The following HERC2 variants were observed in gnomAD, a reference collection of about 807,000 sequenced individuals.
HERC2 encodes the protein HECT and RLD domain containing E3 ubiquitin protein ligase 2.
HERC2 carries 102 observed loss-of-function variants against 537.7 expected under a neutral mutation model. The observed-to-expected ratio is 0.19, with a 90% CI of 0.16 to 0.22. HERC2 has a LOEUF of 0.22. Ranked by LOEUF, HERC2 falls within the 10% of genes least tolerant of loss-of-function variation. The pLI is 1.00. For missense variants in HERC2, 4,236 were observed against 6,198.2 expected, an observed-to-expected ratio of 0.68 and a Z score of 10.63; for synonymous variants, 2,224 against 2,466.2, an observed-to-expected ratio of 0.90 and a Z score of 2.91.
chr15:28,142,620 C>A (rs887090678), intron 75 of HERC2, among the ~76,000 whole-genome samples: 2 of 152,126 alleles, frequency 1.3e-5, no homozygotes, highest in Non-Finnish European at 2.9e-5. Context: ...AACACCTGTG[C>A]ATCTCAAGGC....
At chr15:28,183,107 C>T (rs1477468931) in intron 56 of HERC2, among the ~76,000 whole-genome samples, 1 of 152,218 alleles carries the variant, frequency 6.6e-6, no homozygotes, top group Admixed American at 6.5e-5. Context: ...GATCATCGGC[C>T]AGCTAAGCTG....
chr15:28,229,580 A>C lies in HERC2; in HGVS notation c.5000T>G (p.Val1667Gly). The C allele has an allele frequency of 3.7e-6, 6 of 1,612,508 alleles. No individual in the cohort carries two copies. Among genetic ancestry groups the C allele is most frequent in the Non-Finnish European group, 4.2e-6 (5 of 1,179,714 alleles). ...AATTGTATCTATCCCTTCCAGGCGA[A>C]CCTCTGCTCTCTCCAACTGCAAAAT... is the stretch of plus-strand genomic sequence containing the variant. ...CLLKQLERAE[V>G]RLEGIDTILK... is the part of the protein sequence containing the mutation. The change falls in exon 33 of 93, where the codon GTT becomes GGT. Residue 1667 changes from valine to glycine, a missense_variant. Physicochemically the swap from Val to Gly is moderately radical, Grantham distance 109 (BLOSUM62 -3). Around this residue, in one of 27 missense-constraint regions of HERC2, gnomAD observed 343 missense variants for 417.2 expected, o/e 0.82. Transcript: ENST00000261609.
chr15:28,118,151 C>T (rs935030331), intron 86 of HERC2: 1 of 161,638 alleles, frequency 6.2e-6, no homozygotes, highest in Admixed American at 5.5e-5. Flanking sequence ...TGTTCACAGA[C>T]GTGAGTTCCT....
chr15:28,316,581 G>A (rs1461134348), intron 2 of HERC2, among the ~76,000 whole-genome samples: 3 of 152,154 alleles, frequency 2.0e-5, no homozygotes, highest in African/African-American at 7.2e-5. Flanking sequence ...AACAAAAATT[G>A]TTCTATTGAG....
intron 20 of HERC2, among the ~76,000 whole-genome samples, chr15:28,253,402 G>A (rs1436141682): frequency 4.6e-5 from 7 of 152,214 alleles, no homozygotes; most frequent in Admixed American, 6.5e-5. Flanking sequence ...ACCTTTCCAT[G>A]ATGATTTTCA....
At chr15:28,138,110 G>T (rs1890833865) in intron 78 of HERC2, among the ~76,000 whole-genome samples, 1 of 152,228 alleles carries the variant, frequency 6.6e-6, no homozygotes. Context: ...CTGAAGGAAA[G>T]TCTGAAGGTA....
At chr15:28,174,176 A>G (rs1268380995) in intron 65 of HERC2, among the ~76,000 whole-genome samples, 2 of 152,198 alleles carry the variant, frequency 1.3e-5, no homozygotes, top group African/African-American at 4.8e-5. Flanking sequence ...AGTTTACCTG[A>G]TCATAAATAC....
intron 44 of HERC2, among the ~76,000 whole-genome samples, chr15:28,208,933 G>T (rs1898793635): frequency 6.6e-6 from 1 of 152,154 alleles, no homozygotes; most frequent in Non-Finnish European, 1.5e-5. Context: ...CACAGAAAAG[G>T]ACTTTCCCCG....
At chr15:28,269,180 T>C in intron 11 of HERC2, 68 bp downstream of exon 11, 5 of 1,264,030 alleles carry the variant, frequency 4.0e-6, no homozygotes, top group Non-Finnish European at 5.5e-6. Flanking sequence ...ACACCAGAGC[T>C]TGTGCATCTG....
intron 6 of HERC2, 68 bp downstream of exon 6, chr15:28,274,837 C>A: frequency 8.0e-7 from 1 of 1,252,950 alleles, no homozygotes. Context: ...GGTGGCTGAA[C>A]CGAGTTCGAA....
intron 3 of HERC2, among the ~76,000 whole-genome samples, chr15:28,298,246 C>T (rs2076525129): frequency 6.8e-6 from 1 of 147,730 alleles, no homozygotes; most frequent in East Asian, 2.1e-4. Flanking sequence ...CTCCACCTCC[C>T]GGCTCCAAGC....
At position 28,229,468 on chromosome 15, in the gene HERC2, G is replaced by A. The variant is rs975714381; in HGVS notation, c.5112C>T (p.Ile1704=). 19 of 1,613,576 alleles carry A rather than the reference G, an allele frequency of 1.2e-5. No individual in the cohort carries two copies. The highest frequency in any genetic ancestry group is 8.3e-5 in the Admixed American group (5 of 59,982). ...CGWQRLIPEG[I]DIGEPLTDCL... ...ATATGCTAACGTTTTACCCTATATC[G>A]ATTCCCTCAGGAATAAGTCTTTGCC... The change falls in exon 33 of 93, where the codon ATC becomes ATT. Residue 1704 remains isoleucine (I), a synonymous_variant. Transcript: ENST00000261609.
chr15:28,272,104 A>AAC (rs1299344527), intron 9 of HERC2, 111 bp downstream of exon 9: 1 of 1,005,350 alleles, frequency 9.9e-7, no homozygotes, highest in Non-Finnish European at 1.4e-6. Context: ...ATTACCACCA[A>AAC]ACACACACAC....
intron 2 of HERC2, among the ~76,000 whole-genome samples, chr15:28,305,192 T>TGA (rs1487688833): frequency 6.7e-6 from 1 of 148,674 alleles, no homozygotes; most frequent in African/African-American, 2.5e-5. Context: ...GCATGTGTCT[T>TGA]TATAGCAGCA....
rs201520077 is a variant in HERC2 at position 28,116,789 on chromosome 15, G to A, written c.13485C>T (p.Asn4495=). The A allele has an allele frequency of 2.3e-5, 37 of 1,613,908 alleles. No individual in the cohort carries two copies. Among genetic ancestry groups the A allele is most frequent in the Admixed American group, 3.3e-5 (2 of 60,008 alleles). Residue 4495 remains asparagine, a synonymous_variant, in exon 88 of 93, where the codon AAC becomes AAT. Coordinates refer to ENST00000261609, the MANE Select transcript of HERC2 (RefSeq NM_004667.6). ...TCACGATCAGCAGGGGCGTGAGTCC[G>A]TTCTGCAGCTCCTCACAGATCTCAG... ...SIAEICEELQ[N]GLTPLLIVTP...
intron 2 of HERC2, among the ~76,000 whole-genome samples, chr15:28,305,989 C>T (rs1366088513): frequency 6.6e-6 from 1 of 152,162 alleles, no homozygotes; most frequent in Admixed American, 6.6e-5. Flanking sequence ...TACCATCTCA[C>T]ACCAGTTAGA....
chr15:28,166,728 C>T (rs1451562007), intron 68 of HERC2, among the ~76,000 whole-genome samples: 3 of 152,096 alleles, frequency 2.0e-5, no homozygotes, highest in Middle Eastern at 3.4e-3. Flanking sequence ...TCCCAATGAC[C>T]GGGTCCCAGT....
At chr15:28,316,698 C>G (rs934388767) in intron 2 of HERC2, among the ~76,000 whole-genome samples, 13 of 152,204 alleles carry the variant, frequency 8.5e-5, no homozygotes, top group Non-Finnish European at 5.9e-5. Flanking sequence ...TACATGTCAT[C>G]TATCAACTGG....
At chr15:28,260,672 C>T in intron 16 of HERC2, 105 bp downstream of exon 16, 1 of 911,810 alleles carries the variant, frequency 1.1e-6, no homozygotes, top group Non-Finnish European at 1.7e-6. Flanking sequence ...AACTGCAGGA[C>T]ACAAGAACAA....
Sources: allele counts gnomAD v4.1 joint callset (sites outside exome capture counted in the v4.1 genomes callset), GRCh38; gene constraint gnomAD v4.1.1; regional missense constraint gnomAD v4.1.1; transcripts MANE v1.5; gene names NCBI Gene and HGNC (gene_info 2026-07-23, HGNC 2026-07-21).